Variants in HACD1 observed in about 807,000 individuals in gnomAD.
HACD1 encodes the protein 3-hydroxyacyl-CoA dehydratase 1.
Under a neutral mutation model 32.0 loss-of-function variants are expected in HACD1, and 41 were observed. That is an observed-to-expected ratio of 1.28 (90% CI 1.00 to 1.66). The LOEUF (loss-of-function observed/expected upper bound fraction) is 1.66. Ranked by LOEUF, HACD1 falls within the 40% of genes most tolerant of loss-of-function variation. The probability of loss-of-function intolerance (pLI) is 0.00; values close to 1 mark genes in which losing one functional copy is unlikely to be tolerated. For synonymous variants in HACD1, 142 were observed against 139.0 expected (o/e 1.02, Z -0.15); for missense variants, 396 against 380.1 (o/e 1.04, Z -0.35).
At position 17,617,073 on chromosome 10, in the gene HACD1, G is replaced by A; in HGVS notation, c.257+10C>T. 2.7e-6 allele frequency: 4 copies of A among 1,474,436 alleles called. No homozygotes were observed. The highest frequency in any genetic ancestry group is 3.0e-5 in the East Asian group (1 of 33,232). The allele number at this position is 1,474,436 out of a possible 1,614,324, so 91.3% of individuals were successfully genotyped here. A position where few individuals can be genotyped will look rare whatever the true frequency, so the allele number is the denominator to read the frequency against. On this transcript the variant is annotated intron_variant, in intron 1 of 6. Transcript: ENST00000361271. ...GGGGAGGGCCCGAGGGTGCCCCGCG[G>A]CGCGCGTACCCCGCGGTCATGGCGA...
chr10:17,601,159 G>A (rs1157295925), intron 4 of HACD1, among the ~76,000 whole-genome samples: 3 of 151,240 alleles, frequency 2.0e-5, no homozygotes, highest in Non-Finnish European at 4.4e-5. Context: ...TCAGCCTCCC[G>A]AGTAGCTGGG....
chr10:17,599,041 A>G, intron 5 of HACD1: 1 of 578,758 alleles, frequency 1.7e-6, no homozygotes. Flanking sequence ...ACTAATTCTG[A>G]GGTTAAGGAT....
At chr10:17,610,402 A>G (rs1359928151) in intron 1 of HACD1, among the ~76,000 whole-genome samples, 1 of 152,152 alleles carries the variant, frequency 6.6e-6, no homozygotes, top group African/African-American at 2.4e-5. Context: ...TAATCCCAGG[A>G]TTTTGGGAGG....
intron 4 of HACD1, chr10:17,602,970 C>A (rs117088450): frequency 0.054 from 8,292 of 152,282 alleles, 270 homozygotes; most frequent in Middle Eastern, 0.082. Context: ...TCAATGCAAC[C>A]TTTGCCTCTC....
intron 4 of HACD1, among the ~76,000 whole-genome samples, chr10:17,601,763 A>C (rs1485210575): frequency 6.6e-6 from 1 of 152,184 alleles, no homozygotes; most frequent in Non-Finnish European, 1.5e-5. Context: ...GCTCACTGCT[A>C]TCTGCACTAT....
chr10:17,593,177 AC>A (rs1554815718), intron 6 of HACD1, among the ~76,000 whole-genome samples: 2 of 152,006 alleles, frequency 1.3e-5, no homozygotes, highest in Non-Finnish European at 2.9e-5. Flanking sequence ...CTCAAAAAAA[AC>A]AACAAAAAAA....
At chr10:17,607,696 A>G (rs1348449908) in intron 1 of HACD1, among the ~76,000 whole-genome samples, 2 of 152,214 alleles carry the variant, frequency 1.3e-5, no homozygotes, top group African/African-American at 4.8e-5. Context: ...AGGTGGCAGT[A>G]TTGTACCACC....
intron 6 of HACD1, among the ~76,000 whole-genome samples, chr10:17,592,450 A>G (rs536757518): frequency 1.3e-5 from 2 of 152,076 alleles, no homozygotes; most frequent in East Asian, 3.9e-4. Context: ...ATGCAGGGGG[A>G]GGAGGGAATT....
intron 1 of HACD1, among the ~76,000 whole-genome samples, chr10:17,613,144 G>GTGTGTGTGTTT (rs368670331): frequency 1.9e-4 from 25 of 128,686 alleles, no homozygotes; most frequent in Non-Finnish European, 2.2e-4. Context: ...GTGTGTGTGT[G>GTGTGTGTGTTT]TGTTTTGTTT....
chr10:17,603,864 T>C (rs1554816792), intron 2 of HACD1, 66 bp downstream of exon 2: 4 of 1,494,210 alleles, frequency 2.7e-6, no homozygotes, highest in Non-Finnish European at 3.7e-6. Flanking sequence ...CATATTGATT[T>C]TGCACAACAA....
chr10:17,597,189 C>G (rs546166866), intron 5 of HACD1, among the ~76,000 whole-genome samples: 1 of 152,286 alleles, frequency 6.6e-6, no homozygotes, highest in East Asian at 1.9e-4. Flanking sequence ...CGCTGTGTCA[C>G]CAAGCTGGAG....
chr10:17,592,410 A>C (rs782109823), intron 6 of HACD1, among the ~76,000 whole-genome samples: 30 of 152,160 alleles, frequency 2.0e-4, no homozygotes, highest in Non-Finnish European at 3.7e-4. Flanking sequence ...TTAATAAGTA[A>C]AATTAATTGA....
At chr10:17,613,097 GGTGTGTGTGTGTGTGTGT>G (rs56074507) in intron 1 of HACD1, among the ~76,000 whole-genome samples, 53 of 132,880 alleles carry the variant, frequency 4.0e-4, no homozygotes, top group Admixed American at 1.7e-3. Context: ...TGCAATTTGG[GGTGTGTGTGTGTGTGTGT>G]GTGTGTGTGT....
intron 4 of HACD1, among the ~76,000 whole-genome samples, 168 bp from the exon 5 acceptor site, chr10:17,599,579 C>T (rs907026042): frequency 3.9e-5 from 6 of 152,190 alleles, no homozygotes; most frequent in African/African-American, 9.7e-5. Context: ...TAATTATAAA[C>T]GTGGAACTTA....
intron 1 of HACD1, among the ~76,000 whole-genome samples, chr10:17,610,999 CTTTT>C (rs71393021): frequency 5.8e-5 from 6 of 103,008 alleles, no homozygotes; most frequent in Admixed American, 3.2e-4. Context: ...AGGTCCTCTT[CTTTT>C]TTTTTTTTTT....
At chr10:17,612,373 T>C (rs528801992) in intron 1 of HACD1, among the ~76,000 whole-genome samples, 12 of 152,354 alleles carry the variant, frequency 7.9e-5, no homozygotes, top group Non-Finnish European at 4.4e-5. Context: ...ACAGCAGATA[T>C]TATAACAGCA....
At chr10:17,596,237 G>A (rs781945652) in intron 5 of HACD1, among the ~76,000 whole-genome samples, 1 of 152,152 alleles carries the variant, frequency 6.6e-6, no homozygotes, top group Admixed American at 6.6e-5. Context: ...AGAATTATTT[G>A]CCAAAATAGA....
At chr10:17,604,321 T>C (rs1236832646) in intron 1 of HACD1, among the ~76,000 whole-genome samples, 3 of 151,746 alleles carry the variant, frequency 2.0e-5, no homozygotes, top group African/African-American at 7.3e-5. Context: ...CCGTCTCTAC[T>C]AAAAATACAA....
chr10:17,593,845 C>G (rs782699877), intron 6 of HACD1, among the ~76,000 whole-genome samples: 4 of 152,124 alleles, frequency 2.6e-5, no homozygotes, highest in Non-Finnish European at 1.5e-5. Flanking sequence ...TTTTCTTGGA[C>G]ACAGTGTTTA....
Sources: allele counts gnomAD v4.1 joint callset (sites outside exome capture counted in the v4.1 genomes callset), GRCh38; gene constraint gnomAD v4.1.1; transcripts MANE v1.5; gene names NCBI Gene and HGNC (gene_info 2026-07-23, HGNC 2026-07-21).